CYP7B1: variants seen among roughly 807,000 people sequenced by gnomAD.
CYP7B1 encodes cytochrome P450 family 7 subfamily B member 1.
CYP7B1 carries 29 observed loss-of-function variants against 42.7 expected under a neutral mutation model. That is an observed-to-expected ratio of 0.68 (90% CI 0.51 to 0.93). The LOEUF is 0.93. Ranked by LOEUF, CYP7B1 falls within the 40% of genes least tolerant of loss-of-function variation. The probability of loss-of-function intolerance (pLI) is 0.00; values close to 1 mark genes in which losing one functional copy is unlikely to be tolerated. For synonymous variants in CYP7B1, 235 were observed against 218.2 expected, an observed-to-expected ratio of 1.08 and a Z score of -0.68; for missense variants, 655 against 600.5, an observed-to-expected ratio of 1.09 and a Z score of -0.95.
intron 1 of CYP7B1, among the ~76,000 whole-genome samples, chr8:64,658,758 C>T (rs1806158895): frequency 6.6e-6 from 1 of 152,190 alleles, no homozygotes; most frequent in South Asian, 2.1e-4. Context: ...TGCCAACATT[C>T]CCAGGGTCAG....
At chr8:64,603,971 A>G (rs1210355626) in intron 5 of CYP7B1, among the ~76,000 whole-genome samples, 1 of 152,196 alleles carries the variant, frequency 6.6e-6, no homozygotes, top group African/African-American at 2.4e-5. Flanking sequence ...ATTACTTCCT[A>G]AGAAACACAG....
chr8:64,717,713 C>A (rs867853143), intron 1 of CYP7B1, among the ~76,000 whole-genome samples: 1 of 151,818 alleles, frequency 6.6e-6, no homozygotes, highest in African/African-American at 2.4e-5. Flanking sequence ...ATTAGCAGGG[C>A]GTGGTAGTGC....
intron 1 of CYP7B1, among the ~76,000 whole-genome samples, chr8:64,636,963 A>G (rs191810124): frequency 1.8e-3 from 278 of 152,338 alleles, no homozygotes; most frequent in Non-Finnish European, 3.3e-3. Flanking sequence ...TGGAAGAGAT[A>G]TCAATTCCAT....
intron 1 of CYP7B1, among the ~76,000 whole-genome samples, chr8:64,705,834 G>T (rs1323623023): frequency 2.0e-4 from 31 of 151,978 alleles, no homozygotes; most frequent in Admixed American, 2.0e-3. Flanking sequence ...TTCCTTTAGA[G>T]CGGCCATAAC....
chr8:64,587,250 G>A (rs1487015491), downstream of CYP7B1, among the ~76,000 whole-genome samples: 1 of 151,968 alleles, frequency 6.6e-6, no homozygotes, highest in Non-Finnish European at 1.5e-5. Flanking sequence ...CTCCCGAAGG[G>A]ATTCGGGATC....
rs1805025846 is a variant in CYP7B1, at chr8:64,590,967, T to C, written c.*5675A>G. 6.6e-6 allele frequency among the ~76,000 whole-genome samples: 1 copy of C among 152,192 alleles called. No individual in the cohort carries two copies. The highest frequency in any genetic ancestry group is 2.4e-5 in the African/African-American group (1 of 41,464). ...TCTTTTAGGACAATTTGATTCATTG[T>C]AAATCCACATATATGTCATTTTAAA... is the stretch of plus-strand genomic sequence containing the variant. On this transcript the variant is annotated 3_prime_UTR_variant, in exon 6 of 6. Transcript: ENST00000310193.
chr8:64,741,416 T>C (rs192102406), intron 1 of CYP7B1, among the ~76,000 whole-genome samples: 1,932 of 152,242 alleles, frequency 0.013, 21 homozygotes, highest in South Asian at 0.028. Flanking sequence ...ACCTCCCGAA[T>C]TCAAGTGATT....
In CYP7B1 at chr8:64,595,062, C is replaced by T. The variant is rs1357859373; in HGVS notation, c.*1580G>A. Reference sequence around the variant, plus strand: ...ATTAAACTCACTAACGGCTATCCGCCCAATAACAACAATGGATACCTTAAG... The same window carrying T: ...ATTAAACTCACTAACGGCTATCCGCTCAATAACAACAATGGATACCTTAAG... On this transcript the variant is annotated 3_prime_UTR_variant, in exon 6 of 6. Transcript: ENST00000310193. Among the ~76,000 whole-genome samples, 1 of 152,156 alleles carries T rather than the reference C, an allele frequency of 6.6e-6. No individual in the cohort carries two copies. The highest frequency in any genetic ancestry group is 1.5e-5 in the Non-Finnish European group (1 of 68,036).
At chr8:64,589,424 C>A (rs1805007288), downstream of CYP7B1, among the ~76,000 whole-genome samples, 1 of 152,032 alleles carries the variant, frequency 6.6e-6, no homozygotes, top group African/African-American at 2.4e-5. Flanking sequence ...GGAAGTACTA[C>A]CACATGTATA....
chr8:64,709,626 G>A (rs997927386), intron 1 of CYP7B1, among the ~76,000 whole-genome samples: 5 of 152,086 alleles, frequency 3.3e-5, no homozygotes, highest in Non-Finnish European at 4.4e-5. Context: ...ATTTTACAAA[G>A]AAAGAAATAG....
intron 1 of CYP7B1, among the ~76,000 whole-genome samples, chr8:64,784,025 AGG>A (rs1323800806): frequency 5.3e-5 from 8 of 152,290 alleles, no homozygotes; most frequent in Admixed American, 3.9e-4. Flanking sequence ...TAATTTACCA[AGG>A]TATCAGTCCT....
chr8:64,670,554 G>A (rs1021836595), intron 1 of CYP7B1, among the ~76,000 whole-genome samples: 33 of 152,034 alleles, frequency 2.2e-4, no homozygotes, highest in Admixed American at 2.2e-3. Flanking sequence ...ATTAAGAGCT[G>A]ACCCACAAGA....
At chr8:64,792,728 A>T (rs1804638916) in intron 1 of CYP7B1, among the ~76,000 whole-genome samples, 1 of 152,180 alleles carries the variant, frequency 6.6e-6, no homozygotes. Context: ...GATCATACAC[A>T]GATCCTCGCA....
intron 1 of CYP7B1, among the ~76,000 whole-genome samples, chr8:64,710,249 A>G (rs1183041710): frequency 5.3e-5 from 8 of 152,154 alleles, no homozygotes; most frequent in Non-Finnish European, 1.2e-4. Context: ...CTATGACACA[A>G]ATAAGATTCA....
chr8:64,615,611 G>T (rs914845997), intron 3 of CYP7B1, 80 bp downstream of exon 3: 5 of 1,391,680 alleles, frequency 3.6e-6, no homozygotes, highest in Non-Finnish European at 5.1e-6. Flanking sequence ...AATTTTCAAG[G>T]TCGCCATTTT....
chr8:64,768,181 C>T (rs1804140994), intron 1 of CYP7B1, among the ~76,000 whole-genome samples: 1 of 152,054 alleles, frequency 6.6e-6, no homozygotes, highest in Non-Finnish European at 1.5e-5. Flanking sequence ...CACTAAAATA[C>T]AAATTAGGCT....
At chr8:64,667,416 T>C (rs531557651) in intron 1 of CYP7B1, among the ~76,000 whole-genome samples, 1 of 152,248 alleles carries the variant, frequency 6.6e-6, no homozygotes, top group East Asian at 1.9e-4. Context: ...TTCTTTCCTA[T>C]TCTGAAAAGA....
chr8:64,640,648 T>C (rs1805838927), intron 1 of CYP7B1, among the ~76,000 whole-genome samples: 1 of 152,140 alleles, frequency 6.6e-6, no homozygotes, highest in South Asian at 2.1e-4. Context: ...CCTAGCTCAC[T>C]GTGTGCTTTA....
At chr8:64,675,783 A>G (rs1806437376) in intron 1 of CYP7B1, among the ~76,000 whole-genome samples, 1 of 152,112 alleles carries the variant, frequency 6.6e-6, no homozygotes, top group African/African-American at 2.4e-5. Context: ...CCACAATAGC[A>G]CATACCTAGG....
Sources: allele counts gnomAD v4.1 joint callset (sites outside exome capture counted in the v4.1 genomes callset), GRCh38; gene constraint gnomAD v4.1.1; transcripts MANE v1.5; gene names NCBI Gene and HGNC (gene_info 2026-07-23, HGNC 2026-07-21).